HERC4: variants seen among roughly 807,000 people sequenced by gnomAD.
HERC4 encodes probable E3 ubiquitin-protein ligase HERC4.
A neutral mutation model predicts 124.3 loss-of-function variants in HERC4; 28 were observed. The ratio of observed to expected loss-of-function variants is 0.23; its 90% CI spans 0.17 to 0.31. HERC4 has a LOEUF of 0.31. Ranked by LOEUF, HERC4 falls within the 10% of genes least tolerant of loss-of-function variation. The pLI is 1.00. For synonymous variants in HERC4, 407 were observed against 421.5 expected (o/e 0.97, Z 0.42); for missense variants, 713 against 1,229.3 (o/e 0.58, Z 6.28).
At chr10:68,023,314 C>A (rs2133246549) in intron 8 of HERC4, among the ~76,000 whole-genome samples, 1 of 152,220 alleles carries the variant, frequency 6.6e-6, no homozygotes, top group African/African-American at 2.4e-5. Flanking sequence ...AAGATGAATG[C>A]ACAAGCAAAA....
intron 15 of HERC4, among the ~76,000 whole-genome samples, chr10:67,987,064 G>A (rs1408293383): frequency 6.6e-6 from 1 of 152,130 alleles, no homozygotes; most frequent in Non-Finnish European, 1.5e-5. Flanking sequence ...AGGTTCTAGT[G>A]GTTAGCAAGC....
chr10:68,059,600 C>CATAATATTATATATTATA lies in HERC4; in HGVS notation c.226+13282_226+13283insTATAATATATAATATTAT, dbSNP rs2040789271. On this transcript the variant is annotated intron_variant, in intron 3 of 24. Transcript: ENST00000373700. ...TCATATTATATATCATATTATATAT[C>CATAATATTATATATTATA]ATAATATTATATATCATAATATTAT... 5.2e-5 allele frequency among the ~76,000 whole-genome samples: 4 copies of CATAATATTATATATTATA among 77,110 alleles called. 1 individual carries two copies. The highest frequency in any genetic ancestry group is 2.7e-4 in the African/African-American group (4 of 15,058). The allele number at this position is 77,110 out of a possible 152,430, so 50.6% of individuals were successfully genotyped here.
intron 8 of HERC4, among the ~76,000 whole-genome samples, chr10:68,024,989 A>C (rs2038823696): frequency 6.6e-6 from 1 of 152,222 alleles, no homozygotes; most frequent in Admixed American, 6.5e-5. Flanking sequence ...GTCTTAATTA[A>C]CTGGTCGATC....
At chr10:67,930,948 G>T (rs1005290591) in intron 23 of HERC4, among the ~76,000 whole-genome samples, 4 of 152,088 alleles carry the variant, frequency 2.6e-5, no homozygotes, top group African/African-American at 9.7e-5. Flanking sequence ...CCCAAGTGCT[G>T]GGATTACAGG....
At chr10:68,056,578 G>C (rs2040560386) in intron 3 of HERC4, among the ~76,000 whole-genome samples, 1 of 152,170 alleles carries the variant, frequency 6.6e-6, no homozygotes, top group Non-Finnish European at 1.5e-5. Flanking sequence ...GAGTGACCAA[G>C]GAGTAATGAT....
intron 9 of HERC4, among the ~76,000 whole-genome samples, chr10:68,013,819 A>G (rs553057640): frequency 3.3e-5 from 5 of 152,338 alleles, no homozygotes; most frequent in South Asian, 2.1e-4. Context: ...CACTCTCTGT[A>G]AGTAACTTTT....
chr10:67,979,697 A>G (rs554806726), intron 15 of HERC4, among the ~76,000 whole-genome samples: 1 of 152,274 alleles, frequency 6.6e-6, no homozygotes, highest in Non-Finnish European at 1.5e-5. Context: ...GAAAACAGAA[A>G]GAGAAAAAAA....
chr10:67,972,746 T>C lies in HERC4; in HGVS notation c.1807-5944A>G, dbSNP rs192930670. 1.8e-3 allele frequency among the ~76,000 whole-genome samples: 274 copies of C among 152,256 alleles called. 1 individual carries two copies. The highest frequency in any genetic ancestry group is 1.5e-3 in the Non-Finnish European group (105 of 68,024). ...AGAGAAACTGAAGAGTCATTCACCA[T>C]GTTCATGAATCAGAAAGGAGAGTAG... is the stretch of plus-strand genomic sequence containing the variant. On this transcript the variant is annotated intron_variant, in intron 15 of 24. Transcript: ENST00000373700.
At chr10:68,042,794 C>T (rs2039836886) in intron 4 of HERC4, among the ~76,000 whole-genome samples, 1 of 152,116 alleles carries the variant, frequency 6.6e-6, no homozygotes, top group African/African-American at 2.4e-5. Context: ...TGGCACTCTT[C>T]CTTTTATAAA....
intron 15 of HERC4, among the ~76,000 whole-genome samples, chr10:67,985,089 T>G (rs2036186349): frequency 6.6e-6 from 1 of 152,142 alleles, no homozygotes; most frequent in Non-Finnish European, 1.5e-5. Context: ...GTAGATAAGG[T>G]TCAATCAGCC....
At chr10:68,024,237 A>C (rs2038789145) in intron 8 of HERC4, among the ~76,000 whole-genome samples, 1 of 152,174 alleles carries the variant, frequency 6.6e-6, no homozygotes. Context: ...AAATAACAAT[A>C]AATATCCAAG....
At chr10:67,958,086 C>T (rs1355856236) in intron 16 of HERC4, among the ~76,000 whole-genome samples, 2 of 152,284 alleles carry the variant, frequency 1.3e-5, no homozygotes, top group Middle Eastern at 3.4e-3. Flanking sequence ...GGATTACAGG[C>T]GTGAGCCACT....
At chr10:67,949,725 A>G (rs910194995) in intron 19 of HERC4, among the ~76,000 whole-genome samples, 15 of 152,118 alleles carry the variant, frequency 9.9e-5, no homozygotes, top group African/African-American at 3.1e-4. Context: ...AATCTCTACT[A>G]ATGTAAAAAA....
chr10:67,984,328 T>G (rs1482795302), intron 15 of HERC4, among the ~76,000 whole-genome samples: 1 of 151,494 alleles, frequency 6.6e-6, no homozygotes, highest in Non-Finnish European at 1.5e-5. Context: ...AGAGTGACAT[T>G]CCTGTGTCAT....
At chr10:67,959,279 A>G (rs2034345380) in intron 16 of HERC4, 4 of 567,700 alleles carry the variant, frequency 7.0e-6, no homozygotes, top group Admixed American at 3.6e-5. Context: ...TACATCTACA[A>G]TCAAATACAC....
chr10:68,052,733 AG>A (rs1224832011), intron 3 of HERC4, among the ~76,000 whole-genome samples: 5 of 152,348 alleles, frequency 3.3e-5, no homozygotes, highest in Middle Eastern at 6.8e-3. Context: ...ATTGTGTAAG[AG>A]TTCACTTATA....
intron 3 of HERC4, among the ~76,000 whole-genome samples, chr10:68,064,560 CAA>C (rs538756559): frequency 1.7e-4 from 12 of 71,666 alleles, no homozygotes; most frequent in Admixed American, 3.1e-4. Flanking sequence ...GATTCTCTCT[CAA>C]AAAAAAAAAA....
chr10:67,923,782 A>AT (rs1215975576), intron 24 of HERC4, among the ~76,000 whole-genome samples: 1 of 151,584 alleles, frequency 6.6e-6, no homozygotes, highest in Non-Finnish European at 1.5e-5. Context: ...AAGAGTAATG[A>AT]TTTCTCATCC....
chr10:68,040,672 T>C (rs1158025578), intron 4 of HERC4: 2 of 160,340 alleles, frequency 1.2e-5, no homozygotes, highest in African/African-American at 4.8e-5. Flanking sequence ...GAGCAGATCA[T>C]AAGGTAAGGA....
Sources: gnomAD v4.1 joint callset for allele counts (sites outside exome capture counted in the v4.1 genomes callset) on GRCh38, gnomAD v4.1.1 for gene constraint, MANE v1.5 for transcripts, NCBI Gene and HGNC (gene_info 2026-07-23, HGNC 2026-07-21) for gene names.